HMGCS1: variants seen among roughly 807,000 people sequenced by gnomAD.
HMGCS1 encodes the protein 3-hydroxy-3-methylglutaryl-CoA synthase 1.
Under a neutral mutation model 52.3 loss-of-function variants are expected in HMGCS1, and 9 were observed. That is an observed-to-expected ratio of 0.17 (90% CI 0.10 to 0.30). HMGCS1 has a LOEUF of 0.30. Among genes scored for constraint, HMGCS1 ranks in the 10% least tolerant of loss-of-function variants. HMGCS1 has a pLI of 1.00. For synonymous variants in HMGCS1, 176 were observed against 214.4 expected, an observed-to-expected ratio of 0.82 and a Z score of 1.57; for missense variants, 320 against 620.9, an observed-to-expected ratio of 0.52 and a Z score of 5.15.
At chr5:43,296,888 G>A (rs961133889) in intron 5 of HMGCS1, 114 bp downstream of exon 5, 9 of 731,570 alleles carry the variant, frequency 1.2e-5, no homozygotes, top group Non-Finnish European at 1.8e-5. Context: ...AGGAATTAAT[G>A]GTAAAAGGAT....
chr5:43,309,474 A>G (rs1754752396), intron 1 of HMGCS1, among the ~76,000 whole-genome samples: 1 of 152,132 alleles, frequency 6.6e-6, no homozygotes, highest in Admixed American at 6.5e-5. Flanking sequence ...TCCTGGGCTA[A>G]ACCAATCCAC....
rs1753688356 is a variant in HMGCS1 at position 43,290,389 on chromosome 5, A to T, written c.*742T>A. On this transcript the variant is annotated 3_prime_UTR_variant, in exon 11 of 11. Coordinates refer to ENST00000325110, the MANE Select transcript of HMGCS1 (RefSeq NM_001098272.3). ...TGAACTGATTCAGGAGCACACCTAG[A>T]GCTATATTCACAGCTCCTGAATGTA... 6.6e-6 allele frequency: 1 copy of T among 152,228 alleles called. No individual in the cohort carries two copies. The highest frequency in any genetic ancestry group is 2.4e-5 in the African/African-American group (1 of 41,440). 9.4% of individuals were successfully genotyped at this position (152,228 alleles called of 1,614,324 possible). A position where few individuals can be genotyped will look rare whatever the true frequency, so the allele number is the denominator to read the frequency against.
At chr5:43,294,001 C>A in intron 8 of HMGCS1, 55 bp downstream of exon 8, 1 of 1,155,898 alleles carries the variant, frequency 8.7e-7, no homozygotes, top group Non-Finnish European at 1.3e-6. Context: ...GGGTGTGAGC[C>A]ACTGTGCCTG....
intron 2 of HMGCS1, among the ~76,000 whole-genome samples, chr5:43,307,217 C>T (rs927796728): frequency 8.6e-5 from 13 of 151,942 alleles, no homozygotes; most frequent in Non-Finnish European, 1.5e-5. Flanking sequence ...CTTACAGGCA[C>T]CTGCCACCAA....
chr5:43,305,800 A>T (rs759187307), intron 2 of HMGCS1, among the ~76,000 whole-genome samples: 1,631 of 141,982 alleles, frequency 0.011, 32 homozygotes, highest in East Asian at 0.081. Flanking sequence ...AAAAAAAAAA[A>T]TTTAAAAAAT....
At chr5:43,308,897 C>G (rs531349447) in intron 1 of HMGCS1, among the ~76,000 whole-genome samples, 2 of 152,234 alleles carry the variant, frequency 1.3e-5, no homozygotes, top group South Asian at 2.1e-4. Flanking sequence ...CCTACGCCCC[C>G]CTGCCCCATA....
At chr5:43,294,314 C>T (rs1753927730) in intron 7 of HMGCS1, 152 bp from the exon 8 acceptor site, 2 of 596,108 alleles carry the variant, frequency 3.4e-6, no homozygotes, top group South Asian at 4.1e-5. Flanking sequence ...GTTAATATTG[C>T]AGTAGGGAAT....
intron 6 of HMGCS1, among the ~76,000 whole-genome samples, chr5:43,295,511 CATGA>C (rs1398851344): frequency 6.6e-6 from 1 of 152,142 alleles, no homozygotes; most frequent in Non-Finnish European, 1.5e-5. Flanking sequence ...ATCGTGACAA[CATGA>C]ATGGAGCTGA....
At chr5:43,297,908 G>T in intron 4 of HMGCS1, 101 bp downstream of exon 4, 1 of 928,742 alleles carries the variant, frequency 1.1e-6, no homozygotes, top group Non-Finnish European at 1.6e-6. Context: ...AGTAGTACCT[G>T]CATTTAATGA....
At chr5:43,297,238 C>A in intron 4 of HMGCS1, 72 bp from the exon 5 acceptor site, 1 of 1,266,764 alleles carries the variant, frequency 7.9e-7, no homozygotes, top group African/African-American at 1.5e-5. Flanking sequence ...AAGTATACTG[C>A]ATTATCTAAG....
intron 2 of HMGCS1, among the ~76,000 whole-genome samples, chr5:43,302,363 C>A (rs1754362597): frequency 6.6e-6 from 1 of 152,192 alleles, no homozygotes; most frequent in African/African-American, 2.4e-5. Flanking sequence ...TTAGTGCTTT[C>A]TTCAACAACC....
chr5:43,310,868 T>TA (rs1754826708), intron 1 of HMGCS1, among the ~76,000 whole-genome samples: 1 of 152,198 alleles, frequency 6.6e-6, no homozygotes, highest in Non-Finnish European at 1.5e-5. Flanking sequence ...TTGTTGGTCT[T>TA]ACAATCATTC....
intron 7 of HMGCS1, chr5:43,294,374 T>C: frequency 1.9e-6 from 1 of 519,348 alleles, no homozygotes. Flanking sequence ...TTGTGGGGAA[T>C]GACAGAGCTT....
At position 43,289,125 on chromosome 5, in the gene HMGCS1, T is replaced by C. The variant is rs1753621713; in HGVS notation, c.*2006A>G. On this transcript the variant is annotated 3_prime_UTR_variant, in exon 11 of 11. Transcript: ENST00000325110. ...CAATTTGAGAGTTAATTTCTTTGTT[T>C]CAAGTGTAGGAATAATTATCAGTGT... is the stretch of plus-strand genomic sequence containing the variant. 6.6e-6 allele frequency: 1 copy of C among 152,238 alleles called. No homozygotes were observed. The highest frequency in any genetic ancestry group is 1.5e-5 in the Non-Finnish European group (1 of 68,044). 9.4% of individuals were successfully genotyped at this position (152,238 alleles called of 1,614,324 possible). A position where few individuals can be genotyped will look rare whatever the true frequency, so the allele number is the denominator to read the frequency against.
rs985645528 is a variant in HMGCS1 at position 43,288,424 on chromosome 5, T to C, written c.*2707A>G. On this transcript the variant is annotated 3_prime_UTR_variant, in exon 11 of 11. Transcript: ENST00000325110. The stretch of plus-strand genomic sequence containing the variant: ...TAAAGATCCTGTTACCCTTGCTCTG[T>C]TGACTGCCACTTCAGTGTTTCTTTC... The C allele has an allele frequency of 6.6e-6, 1 of 152,194 alleles. No homozygotes were observed. The highest frequency in any genetic ancestry group is 1.5e-5 in the Non-Finnish European group (1 of 68,038). 9.4% of individuals were successfully genotyped at this position (152,194 alleles called of 1,614,324 possible). A position where few individuals can be genotyped will look rare whatever the true frequency, so the allele number is the denominator to read the frequency against.
chr5:43,297,469 T>C (rs1348295782), intron 4 of HMGCS1, among the ~76,000 whole-genome samples: 2 of 152,212 alleles, frequency 1.3e-5, no homozygotes, highest in African/African-American at 2.4e-5. Context: ...CAAGTTACTA[T>C]TTATCATTTG....
At chr5:43,296,922 G>T in intron 5 of HMGCS1, 80 bp downstream of exon 5, 1 of 982,380 alleles carries the variant, frequency 1.0e-6, no homozygotes, top group Non-Finnish European at 1.5e-6. Flanking sequence ...TGCCCACAAA[G>T]TAGTTGCCTA....
At position 43,296,998 on chromosome 5, in the gene HMGCS1, T is replaced by C; in HGVS notation, c.739+4A>G. ...CAAAACCAAGGAAAATGGGTAAAACTTACCTTTCTGCCACTGGGCATGGAT... is the reference window on the plus strand; with the variant it reads ...CAAAACCAAGGAAAATGGGTAAAACCTACCTTTCTGCCACTGGGCATGGAT... On this transcript the variant is annotated splice_donor_region_variant and intron_variant, in intron 5 of 10. Coordinates refer to ENST00000325110, the MANE Select transcript of HMGCS1 (RefSeq NM_001098272.3). 1 of 1,613,260 alleles carries C rather than the reference T, an allele frequency of 6.2e-7. No individual in the cohort carries two copies. The highest frequency in any genetic ancestry group is 2.2e-5 in the East Asian group (1 of 44,850).
chr5:43,292,520 G>C lies in HMGCS1; in HGVS notation c.1427C>G (p.Thr476Ser), dbSNP rs898804326. The C allele has an allele frequency of 6.2e-7, 1 of 1,613,852 alleles. No homozygotes were observed. The highest frequency in any genetic ancestry group is 2.2e-5 in the East Asian group (1 of 44,858). The change falls in exon 10 of 11, where the codon ACT becomes AGT. Residue 476 changes from threonine (T) to serine (S), a missense_variant. Thr to Ser is a moderately conservative substitution (Grantham distance 58). Around this residue, in one of 3 missense-constraint regions of HMGCS1, gnomAD observed 213 missense variants for 337.4 expected, o/e 0.63. Transcript: ENST00000325110. ...CACAAGTCCTACTCCTTCATCCAAAGTGTCATCATTTGGAGTGGGACGCCG... is the reference window on the plus strand; with the variant it reads ...CACAAGTCCTACTCCTTCATCCAAACTGTCATCATTTGGAGTGGGACGCCG... Reference protein sequence around the residue: ...YARRPTPNDDTLDEGVGLVHS... With the variant: ...YARRPTPNDDSLDEGVGLVHS...
Sources: allele counts gnomAD v4.1 joint callset (sites outside exome capture counted in the v4.1 genomes callset), GRCh38; gene constraint gnomAD v4.1.1; regional missense constraint gnomAD v4.1.1; transcripts MANE v1.5; gene names NCBI Gene and HGNC (gene_info 2026-07-23, HGNC 2026-07-21).